The following FAM135B variants were observed in gnomAD, a reference collection of about 807,000 sequenced individuals.
FAM135B encodes protein FAM135B.
In FAM135B, 43 loss-of-function variants were observed where a neutral mutation model predicts 127.7. The ratio of observed to expected loss-of-function variants is 0.34; its 90% CI spans 0.26 to 0.43. The LOEUF is 0.43. FAM135B is among the 20% of genes least tolerant of loss of function. The probability of loss-of-function intolerance (pLI) is 1.00; values close to 1 mark genes in which losing one functional copy is unlikely to be tolerated. For missense variants in FAM135B, 1,558 were observed against 1,725.6 expected (o/e 0.90, Z 1.72); for synonymous variants, 670 against 665.1 (o/e 1.01, Z -0.11).
At chr8:138,264,450 C>G (rs1298704955) in intron 4 of FAM135B, among the ~76,000 whole-genome samples, 1 of 152,168 alleles carries the variant, frequency 6.6e-6, no homozygotes, top group Admixed American at 6.5e-5. Flanking sequence ...AGTGAGGGTG[C>G]AAACTCCTAT....
At chr8:138,248,018 C>T (rs183334356) in intron 6 of FAM135B, among the ~76,000 whole-genome samples, 142 of 152,260 alleles carry the variant, frequency 9.3e-4, no homozygotes, top group Non-Finnish European at 1.5e-3. Context: ...TCACTAAATG[C>T]TTATTATGTG....
chr8:138,335,028 A>G (rs1828462577), intron 2 of FAM135B, among the ~76,000 whole-genome samples: 1 of 152,210 alleles, frequency 6.6e-6, no homozygotes, highest in Admixed American at 6.5e-5. Flanking sequence ...AACTTTGGTA[A>G]TGATTCTGAG....
In FAM135B at chr8:138,131,323, C is replaced by G. The variant is rs758768835; in HGVS notation, c.*1270G>C. On this transcript the variant is annotated 3_prime_UTR_variant, in exon 20 of 20. Transcript: ENST00000395297. ...ATCTCTTCCATACAACGAAATGATT[C>G]TTTAGGCTTACTTTAGCCCATACAA... 3.9e-5 allele frequency: 6 copies of G among 152,184 alleles called. No homozygotes were observed. The highest frequency in any genetic ancestry group is 7.4e-5 in the Non-Finnish European group (5 of 68,024). 9.4% of individuals were successfully genotyped at this position (152,184 alleles called of 1,614,324 possible). A position where few individuals can be genotyped will look rare whatever the true frequency, so the allele number is the denominator to read the frequency against.
At chr8:138,281,894 T>C (rs950957956) in intron 3 of FAM135B, among the ~76,000 whole-genome samples, 1 of 152,210 alleles carries the variant, frequency 6.6e-6, no homozygotes, top group Non-Finnish European at 1.5e-5. Context: ...CACTGCAGGC[T>C]CAACCTCCTG....
chr8:138,369,487 T>C (rs1281162935), intron 1 of FAM135B, among the ~76,000 whole-genome samples: 2 of 152,148 alleles, frequency 1.3e-5, no homozygotes, highest in Non-Finnish European at 2.9e-5. Flanking sequence ...ATCCGGGAAA[T>C]ATTTCTAGAG....
intron 12 of FAM135B, among the ~76,000 whole-genome samples, chr8:138,164,156 T>A (rs2130874021): frequency 6.6e-6 from 1 of 152,354 alleles, no homozygotes; most frequent in South Asian, 2.1e-4. Context: ...TCACTCATGC[T>A]TTTGATCTGG....
intron 2 of FAM135B, among the ~76,000 whole-genome samples, chr8:138,351,768 C>G (rs1294810607): frequency 6.7e-6 from 1 of 149,652 alleles, no homozygotes; most frequent in African/African-American, 2.5e-5. Flanking sequence ...CACCTCATGG[C>G]AACTTCTGCC....
At chr8:138,475,468 T>G (rs905191030) in intron 1 of FAM135B, among the ~76,000 whole-genome samples, 5 of 152,124 alleles carry the variant, frequency 3.3e-5, no homozygotes, top group Non-Finnish European at 5.9e-5. Flanking sequence ...AACTTCAGTT[T>G]TTGTCCTCCA....
chr8:138,248,964 T>A (rs976082545), intron 6 of FAM135B, among the ~76,000 whole-genome samples: 1 of 152,166 alleles, frequency 6.6e-6, no homozygotes, highest in African/African-American at 2.4e-5. Flanking sequence ...TAGGGCTAGA[T>A]GATAAGATGG....
intron 13 of FAM135B, among the ~76,000 whole-genome samples, chr8:138,150,745 AT>A: frequency 6.6e-6 from 1 of 152,322 alleles, no homozygotes; most frequent in Non-Finnish European, 1.5e-5. Flanking sequence ...AATTTGGTTA[AT>A]AAGTCATGGT....
In FAM135B at chr8:138,265,628, A is replaced by T. The variant is rs1822853525; in HGVS notation, c.297+75T>A. On this transcript the variant is annotated intron_variant, in intron 4 of 19. Coordinates refer to ENST00000395297, the MANE Select transcript of FAM135B (RefSeq NM_015912.4). The stretch of plus-strand genomic sequence containing the variant: ...TAAACCCATACCTTCTTCTTTCAAC[A>T]TTTACCTAGCAATGAGAGAGAACAG... The T allele has an allele frequency of 3.9e-6, 6 of 1,540,252 alleles. No individual in the cohort carries two copies. The South Asian group carries it at 5.8e-5, about 15-fold the overall frequency.
At chr8:138,325,112 T>A (rs1182261878) in intron 2 of FAM135B, among the ~76,000 whole-genome samples, 3 of 74,270 alleles carry the variant, frequency 4.0e-5, no homozygotes, top group Non-Finnish European at 7.7e-5. Flanking sequence ...TAGAAATCAT[T>A]AACCCCCTTA....
intron 12 of FAM135B, among the ~76,000 whole-genome samples, chr8:138,157,738 A>C (rs1483990050): frequency 6.6e-6 from 1 of 152,228 alleles, no homozygotes; most frequent in African/African-American, 2.4e-5. Flanking sequence ...TCCAACTTAC[A>C]AGGGACATGT....
intron 1 of FAM135B, chr8:138,437,359 G>T (rs1263179604): frequency 6.6e-6 from 1 of 152,130 alleles, no homozygotes; most frequent in Non-Finnish European, 1.5e-5. Context: ...GGAGGTAATT[G>T]GATCATGGGG....
chr8:138,405,554 C>T (rs7820876), intron 1 of FAM135B, among the ~76,000 whole-genome samples: 59,758 of 150,740 alleles, frequency 0.4, 12,283 homozygotes, highest in African/African-American at 0.52. Flanking sequence ...CATCATTTTT[C>T]ATGGCTGCAT....
chr8:138,488,560 C>G (rs1209535203), intron 1 of FAM135B, among the ~76,000 whole-genome samples: 1 of 152,174 alleles, frequency 6.6e-6, no homozygotes, highest in Non-Finnish European at 1.5e-5. Flanking sequence ...AGGGGATGAT[C>G]TGTCCCAACC....
intron 1 of FAM135B, among the ~76,000 whole-genome samples, chr8:138,457,909 AAAG>A (rs1836886253): frequency 1.3e-5 from 2 of 151,774 alleles, no homozygotes; most frequent in African/African-American, 4.8e-5. Context: ...CCTAGGAGGC[AAAG>A]CTTGCAGTGA....
At chr8:138,256,649 C>A (rs754633547) in intron 5 of FAM135B, 40 bp downstream of exon 5, 1 of 1,534,650 alleles carries the variant, frequency 6.5e-7, no homozygotes. Flanking sequence ...GGGAGGAGAG[C>A]ACTGTGCTAC....
chr8:138,437,234 C>A (rs1835504949), intron 1 of FAM135B: 1 of 152,176 alleles, frequency 6.6e-6, no homozygotes, highest in South Asian at 2.1e-4. Context: ...AGCAATCAAA[C>A]AAACATGGGT....
Sources: allele counts gnomAD v4.1 joint callset (sites outside exome capture counted in the v4.1 genomes callset), GRCh38; gene constraint gnomAD v4.1.1; transcripts MANE v1.5; gene names NCBI Gene and HGNC (gene_info 2026-07-23, HGNC 2026-07-21).